CAST: variants seen among roughly 807,000 people sequenced by gnomAD.
The protein encoded by CAST is calpastatin, also known as MIR583 host.
Under a neutral mutation model 119.6 loss-of-function variants are expected in CAST, and 76 were observed. The ratio of observed to expected loss-of-function variants is 0.64; its 90% confidence interval spans 0.53 to 0.77. The LOEUF is 0.77. Ranked by LOEUF, CAST falls within the 30% of genes least tolerant of loss-of-function variation. The probability of loss-of-function intolerance (pLI) is 0.00; values close to 1 mark genes in which losing one functional copy is unlikely to be tolerated. For missense variants in CAST, 953 were observed against 946.5 expected (o/e 1.01, Z -0.09); for synonymous variants, 319 against 331.6 (o/e 0.96, Z 0.41).
At chr5:96,047,794 G>A in the CAST span, among the ~76,000 whole-genome samples, 4 of 152,322 alleles carry the variant, frequency 2.6e-5, no homozygotes, top group Admixed American at 2.6e-4. Context: ...ATAAGCATGT[G>A]TAAAACTGCA....
the CAST span, among the ~76,000 whole-genome samples, chr5:96,365,153 C>T: frequency 6.6e-6 from 1 of 152,154 alleles, no homozygotes; most frequent in African/African-American, 2.4e-5. Context: ...TTTCTTAATC[C>T]TGAGTTCTAG....
At chr5:96,572,222 A>G (rs569647672) in intron 1 of CAST, among the ~76,000 whole-genome samples, 7 of 148,504 alleles carry the variant, frequency 4.7e-5, no homozygotes, top group South Asian at 2.1e-4. Context: ...TTTTTTTGAG[A>G]TGGAGTCTCA....
At chr5:96,474,894 A>G in the CAST span, among the ~76,000 whole-genome samples, 2 of 152,196 alleles carry the variant, frequency 1.3e-5, no homozygotes, top group Non-Finnish European at 2.9e-5. Context: ...CTAAGTCTGG[A>G]TTATGCCAGA....
chr5:96,026,112 C>T, the CAST span, among the ~76,000 whole-genome samples: 1 of 152,164 alleles, frequency 6.6e-6, no homozygotes, highest in African/African-American at 2.4e-5. Flanking sequence ...TGGCATGCAC[C>T]CGTGGTCCCA....
At chr5:96,766,733 C>T (rs75285346) in intron 27 of CAST, among the ~76,000 whole-genome samples, 1 of 152,202 alleles carries the variant, frequency 6.6e-6, no homozygotes, top group African/African-American at 2.4e-5. Flanking sequence ...CACCTCTTTC[C>T]TATTTAGTTT....
chr5:96,472,638 T>G, the CAST span, among the ~76,000 whole-genome samples: 2 of 152,194 alleles, frequency 1.3e-5, no homozygotes, highest in African/African-American at 4.8e-5. Context: ...AGCCAATTGT[T>G]TCCTCACAAA....
chr5:96,612,419 G>T (rs140863094), intron 1 of CAST, among the ~76,000 whole-genome samples: 13 of 152,196 alleles, frequency 8.5e-5, no homozygotes, highest in African/African-American at 2.9e-4. Context: ...TAACACTAAG[G>T]ACTCCAAAAC....
exon 1 of CAST, chr5:96,529,840 T>C (rs1745659474): frequency 2.3e-6 from 1 of 434,632 alleles, no homozygotes; most frequent in Admixed American, 2.5e-5. Flanking sequence ...CCTTCTGCCA[T>C]GATTGTAAGT....
chr5:96,408,875 T>C, the CAST span, among the ~76,000 whole-genome samples: 1 of 152,236 alleles, frequency 6.6e-6, no homozygotes, highest in Non-Finnish European at 1.5e-5. Context: ...TGAGTTGGTG[T>C]CCACATTTAC....
chr5:96,746,266 A>C (rs1048482824), intron 16 of CAST, 76 bp from the exon 17 acceptor site: 14 of 844,262 alleles, frequency 1.7e-5, no homozygotes, highest in Non-Finnish European at 2.7e-5. Context: ...ACACTCGAGA[A>C]GTACACAGAG....
At chr5:96,530,140 T>C (rs962531939) in intron 1 of CAST, among the ~76,000 whole-genome samples, 13 of 147,690 alleles carry the variant, frequency 8.8e-5, no homozygotes, top group African/African-American at 3.2e-4. Flanking sequence ...TAAGGTTTAA[T>C]AACAGAGTGT....
the CAST span, among the ~76,000 whole-genome samples, chr5:96,491,511 A>G: frequency 7.9e-6 from 1 of 127,072 alleles, no homozygotes; most frequent in African/African-American, 3.0e-5. Context: ...AAAAAAAAAA[A>G]AAAAAAAAAA....
chr5:96,377,414 A>G, the CAST span, among the ~76,000 whole-genome samples: 1 of 152,256 alleles, frequency 6.6e-6, no homozygotes, highest in South Asian at 2.1e-4. Context: ...TTAGATATAC[A>G]GGCGAATCAT....
At chr5:96,324,851 G>A in the CAST span, among the ~76,000 whole-genome samples, 2 of 152,008 alleles carry the variant, frequency 1.3e-5, no homozygotes, top group African/African-American at 2.4e-5. Flanking sequence ...AGAGTAAACA[G>A]GTTCTTATAT....
the CAST span, among the ~76,000 whole-genome samples, chr5:96,002,205 A>G: frequency 9.8e-5 from 15 of 152,336 alleles, no homozygotes; most frequent in South Asian, 1.4e-3. Flanking sequence ...TGCCTGATCT[A>G]TTGGGATGCT....
At chr5:96,183,195 A>ATAATAC in the CAST span, among the ~76,000 whole-genome samples, 2 of 144,668 alleles carry the variant, frequency 1.4e-5, no homozygotes, top group Non-Finnish European at 3.0e-5. Flanking sequence ...AATAATAATA[A>ATAATAC]TACAATGTTT....
the CAST span, chr5:96,410,825 G>A: frequency 1.2e-5 from 19 of 1,614,138 alleles, no homozygotes; most frequent in African/African-American, 9.3e-5. Context: ...CCAGTGTGGA[G>A]GAGCACTTCT....
the CAST span, among the ~76,000 whole-genome samples, chr5:96,334,794 C>T: frequency 1.3e-5 from 2 of 152,192 alleles, no homozygotes; most frequent in East Asian, 3.8e-4. Flanking sequence ...GAGGCAAGAT[C>T]AGGAGCGCAC....
At chr5:96,334,897 G>C in the CAST span, among the ~76,000 whole-genome samples, 1 of 152,164 alleles carries the variant, frequency 6.6e-6, no homozygotes, top group Non-Finnish European at 1.5e-5. Context: ...TCCTGCTATA[G>C]AGGCAAATGA....
Sources: allele counts gnomAD v4.1 joint callset (sites outside exome capture counted in the v4.1 genomes callset), GRCh38; gene constraint gnomAD v4.1.1; transcripts MANE v1.5; gene names NCBI Gene and HGNC (gene_info 2026-07-23, HGNC 2026-07-21).